NDUFA10: variants seen among roughly 807,000 people sequenced by gnomAD.
The protein encoded by NDUFA10 is NADH:ubiquinone oxidoreductase subunit A10, also known as NADH dehydrogenase [ubiquinone] 1 alpha subcomplex subunit 10, mitochondrial.
Under a neutral mutation model 47.8 loss-of-function variants are expected in NDUFA10, and 40 were observed. That is an observed-to-expected ratio of 0.84 (90% CI 0.65 to 1.09). The LOEUF (loss-of-function observed/expected upper bound fraction) is 1.09. NDUFA10 is among the 50% of genes least tolerant of loss of function. NDUFA10 has a pLI of 0.00. For synonymous variants in NDUFA10, 183 were observed against 172.2 expected, an observed-to-expected ratio of 1.06 and a Z score of -0.49; for missense variants, 413 against 451.1, an observed-to-expected ratio of 0.92 and a Z score of 0.76.
intron 9 of NDUFA10, among the ~76,000 whole-genome samples, chr2:239,974,445 T>G (rs1219805530): frequency 1.3e-5 from 2 of 152,238 alleles, no homozygotes; most frequent in Non-Finnish European, 2.9e-5. Context: ...TGAAAAGGTC[T>G]TTCTTTACTC....
At chr2:239,999,471 C>A (rs542195626) in intron 8 of NDUFA10, among the ~76,000 whole-genome samples, 5 of 152,146 alleles carry the variant, frequency 3.3e-5, no homozygotes, top group African/African-American at 1.2e-4. Flanking sequence ...TCCCTGCATG[C>A]GGGTTCCCCA....
At chr2:239,950,018 C>A (rs1301940714) in intron 4 of NDUFA10, among the ~76,000 whole-genome samples, 1 of 152,156 alleles carries the variant, frequency 6.6e-6, no homozygotes, top group Non-Finnish European at 1.5e-5. Context: ...ACCCTAGAGC[C>A]TATTTTCTTA....
chr2:240,023,353 AC>A (rs1478005451), intron 1 of NDUFA10, among the ~76,000 whole-genome samples: 6 of 152,226 alleles, frequency 3.9e-5, no homozygotes, highest in African/African-American at 2.4e-5. Context: ...CTACAAAAAA[AC>A]AAAAGACTAT....
chr2:239,980,093 T>C (rs1303782701), intron 9 of NDUFA10, among the ~76,000 whole-genome samples: 1 of 152,168 alleles, frequency 6.6e-6, no homozygotes, highest in Non-Finnish European at 1.5e-5. Flanking sequence ...CTCGCTGTGC[T>C]TTCTCCAAGA....
chr2:240,021,025 T>C (rs1011743981), intron 3 of NDUFA10, 172 bp downstream of exon 3: 1 of 670,102 alleles, frequency 1.5e-6, no homozygotes, highest in African/African-American at 1.8e-5. Context: ...TTAAATTAAT[T>C]CTGAAGCAAA....
At chr2:239,914,343 C>T (rs1693804191) in intron 4 of NDUFA10, among the ~76,000 whole-genome samples, 1 of 150,744 alleles carries the variant, frequency 6.6e-6, no homozygotes, top group Non-Finnish European at 1.5e-5. Flanking sequence ...CAGACACACA[C>T]AAATATACAG....
At chr2:240,023,375 A>G (rs887074450) in intron 1 of NDUFA10, among the ~76,000 whole-genome samples, 2 of 152,248 alleles carry the variant, frequency 1.3e-5, no homozygotes, top group Non-Finnish European at 2.9e-5. Context: ...TAACAAGGAA[A>G]CATTAGTTTT....
chr2:240,005,460 C>T (rs1438936298), intron 7 of NDUFA10, among the ~76,000 whole-genome samples, 165 bp from the exon 8 acceptor site: 1 of 152,058 alleles, frequency 6.6e-6, no homozygotes, highest in Admixed American at 6.6e-5. Context: ...GCAATCCTCC[C>T]ACCTCAGCAC....
chr2:240,013,156 A>C (rs1298264137), intron 5 of NDUFA10: 1 of 152,276 alleles, frequency 6.6e-6, no homozygotes, highest in African/African-American at 2.4e-5. Context: ...CTGTTTTCTT[A>C]GAATCTAGAA....
chr2:239,902,884 TC>T (rs145194342), intron 4 of NDUFA10, among the ~76,000 whole-genome samples: 3,139 of 152,132 alleles, frequency 0.021, 113 homozygotes, highest in African/African-American at 0.072. Flanking sequence ...GGGCTCCTGC[TC>T]CCCCGAATGC....
chr2:239,934,720 G>A (rs1694236107), intron 4 of NDUFA10, among the ~76,000 whole-genome samples: 1 of 152,184 alleles, frequency 6.6e-6, no homozygotes, highest in Non-Finnish European at 1.5e-5. Context: ...GCGATTGTCT[G>A]TCCTTTGACA....
At chr2:239,900,145 G>C (rs142889676) in intron 4 of NDUFA10, among the ~76,000 whole-genome samples, 5 of 152,026 alleles carry the variant, frequency 3.3e-5, no homozygotes, top group African/African-American at 9.7e-5. Flanking sequence ...ACTTACATCA[G>C]TGGTTTGCCA....
chr2:239,916,329 A>G (rs1237525087), intron 4 of NDUFA10, among the ~76,000 whole-genome samples: 1 of 151,418 alleles, frequency 6.6e-6, no homozygotes, highest in African/African-American at 2.4e-5. Flanking sequence ...ACAAACATAC[A>G]CACATGCACA....
chr2:239,976,080 T>C lies in NDUFA10; in HGVS notation c.999+13994A>G, dbSNP rs559159260. Among the ~76,000 whole-genome samples the C allele has an allele frequency of 2.4e-3, 369 of 152,326 alleles. 3 individuals carry two copies. The highest frequency in any genetic ancestry group is 4.2e-3 in the Non-Finnish European group (289 of 68,030). On this transcript the variant is annotated intron_variant, in intron 9 of 9. Coordinates refer to ENST00000252711, the MANE Select transcript of NDUFA10 (RefSeq NM_004544.4). ...ATCCTCAGTATCTATGAATCTTAAATTCTGGTTCAAATTCCAACATCTCTG... is the reference window on the plus strand; with the variant it reads ...ATCCTCAGTATCTATGAATCTTAAACTCTGGTTCAAATTCCAACATCTCTG...
chr2:240,016,235 C>T lies in NDUFA10; in HGVS notation c.548-1375G>A, dbSNP rs1697341709. 6.6e-6 allele frequency among the ~76,000 whole-genome samples: 1 copy of T among 152,132 alleles called. No homozygotes were observed. Among genetic ancestry groups the T allele is most frequent in the Admixed American group, 6.5e-5 (1 of 15,280 alleles). ...GAGGCTGCCAGTGGAGTACCGTTCA[C>T]CTGAGCATACAAACACAAACCCGCA... On this transcript the variant is annotated intron_variant, in intron 4 of 9. Coordinates refer to ENST00000252711, the MANE Select transcript of NDUFA10 (RefSeq NM_004544.4). The surrounding 1 kb of genome is among the most constrained non-coding windows in gnomAD (Gnocchi z 4.4).
chr2:239,923,940 A>C (rs1261254126), intron 4 of NDUFA10, among the ~76,000 whole-genome samples: 1 of 152,194 alleles, frequency 6.6e-6, no homozygotes, highest in Non-Finnish European at 1.5e-5. Flanking sequence ...CCCTGCAGCC[A>C]TTAAAAGGAG....
intron 3 of NDUFA10, 152 bp from the exon 4 acceptor site, chr2:240,018,791 G>C (rs185218427): frequency 1.1e-6 from 1 of 940,244 alleles, no homozygotes; most frequent in East Asian, 2.6e-5. Context: ...ATATTTGTAA[G>C]TGGGAAACCA....
chr2:239,979,541 T>G (rs550116541), intron 9 of NDUFA10, among the ~76,000 whole-genome samples: 1 of 152,084 alleles, frequency 6.6e-6, no homozygotes, highest in African/African-American at 2.4e-5. Context: ...AAGAAGCAAC[T>G]TGGCTGGGCA....
At chr2:239,990,397 G>C (rs111871664) in intron 8 of NDUFA10, among the ~76,000 whole-genome samples, 1 of 152,206 alleles carries the variant, frequency 6.6e-6, no homozygotes, top group Admixed American at 6.5e-5. Context: ...CTCAGAACCT[G>C]AGGTAGCATC....
Sources: gnomAD v4.1 joint callset for allele counts (sites outside exome capture counted in the v4.1 genomes callset) on GRCh38, gnomAD v4.1.1 for gene constraint, Gnocchi (gnomAD v3.1) non-coding constraint, MANE v1.5 for transcripts, NCBI Gene and HGNC (gene_info 2026-07-23, HGNC 2026-07-21) for gene names.